The following FGD5 variants were observed in gnomAD, a reference collection of about 807,000 sequenced individuals.
The protein encoded by FGD5 is FYVE, RhoGEF and PH domain-containing protein 5.
In FGD5, 28 loss-of-function variants were observed where a neutral mutation model predicts 133.4. The observed-to-expected ratio is 0.21, with a 90% CI of 0.16 to 0.29. FGD5 has a LOEUF of 0.29. Ranked by LOEUF, FGD5 falls within the 10% of genes least tolerant of loss-of-function variation. The probability of loss-of-function intolerance (pLI) is 1.00; values close to 1 mark genes in which losing one functional copy is unlikely to be tolerated. For missense variants in FGD5, 1,858 were observed against 1,895.2 expected, an observed-to-expected ratio of 0.98 and a Z score of 0.36; for synonymous variants, 810 against 776.5, an observed-to-expected ratio of 1.04 and a Z score of -0.72.
chr3:14,927,928 C>A (rs2038836983), intron 18 of FGD5, among the ~76,000 whole-genome samples: 1 of 145,880 alleles, frequency 6.9e-6, no homozygotes, highest in African/African-American at 2.6e-5. Context: ...CCAGGCCTAG[C>A]TAATTTTTTT....
intron 4 of FGD5, among the ~76,000 whole-genome samples, chr3:14,883,826 G>A (rs544964999): frequency 2.0e-5 from 3 of 152,320 alleles, no homozygotes; most frequent in South Asian, 4.2e-4. Context: ...ATCTGCAGGG[G>A]CATGAGGGAG....
intron 2 of FGD5, among the ~76,000 whole-genome samples, chr3:14,872,705 T>A (rs1656437): frequency 0.19 from 28,169 of 152,194 alleles, 3,148 homozygotes; most frequent in East Asian, 0.4. Flanking sequence ...AAGATGAAGC[T>A]GGGGCGGCAT....
At chr3:14,927,715 T>C (rs1015130505) in intron 18 of FGD5, among the ~76,000 whole-genome samples, 5 of 152,122 alleles carry the variant, frequency 3.3e-5, no homozygotes, top group African/African-American at 1.2e-4. Flanking sequence ...GTAACAGTCC[T>C]GGGAAAAAGC....
chr3:14,893,431 A>G (rs1214224463), intron 4 of FGD5, among the ~76,000 whole-genome samples: 3 of 152,156 alleles, frequency 2.0e-5, no homozygotes, highest in African/African-American at 7.2e-5. Flanking sequence ...AGCTCACTGC[A>G]GCCTGGAACT....
chr3:14,861,630 G>C (rs1446984788), intron 1 of FGD5, among the ~76,000 whole-genome samples: 1 of 152,128 alleles, frequency 6.6e-6, no homozygotes, highest in Non-Finnish European at 1.5e-5. Flanking sequence ...TGGCTTCCGT[G>C]AGCCCTCTCC....
intron 1 of FGD5, 98 bp from the exon 2 acceptor site, chr3:14,864,030 G>T: frequency 6.5e-7 from 1 of 1,526,950 alleles, no homozygotes; most frequent in Non-Finnish European, 8.9e-7. Context: ...CTTACTACTT[G>T]TTTTCTGTCC....
chr3:14,897,293 G>T (rs2038155869), intron 4 of FGD5: 2 of 563,536 alleles, frequency 3.5e-6, no homozygotes, highest in South Asian at 2.4e-5. Flanking sequence ...TGGGTTGGGT[G>T]CTCTTTGGGT....
At chr3:14,845,402 ATGCTTCAGTTCTCAATAAGCCAG>A (rs2037032150) in intron 1 of FGD5, among the ~76,000 whole-genome samples, 1 of 152,214 alleles carries the variant, frequency 6.6e-6, no homozygotes, top group Non-Finnish European at 1.5e-5. Context: ...CCCTTCCCAG[ATGCTTCAGTTCTCAATAAGCCAG>A]TGCTTGAATA....
chr3:14,905,103 A>G (rs888702548), intron 9 of FGD5, among the ~76,000 whole-genome samples: 2 of 152,106 alleles, frequency 1.3e-5, no homozygotes, highest in African/African-American at 4.8e-5. Flanking sequence ...CGTTCCTACC[A>G]CCCATTAATT....
intron 2 of FGD5, among the ~76,000 whole-genome samples, chr3:14,868,173 G>A (rs996461667): frequency 5.3e-5 from 8 of 152,268 alleles, no homozygotes; most frequent in African/African-American, 7.2e-5. Flanking sequence ...ACTCGCTGAC[G>A]TGTCGGCCCT....
At chr3:14,919,036 G>A (rs2038620005) in intron 13 of FGD5, among the ~76,000 whole-genome samples, 2 of 152,090 alleles carry the variant, frequency 1.3e-5, no homozygotes, top group Admixed American at 1.3e-4. Context: ...CCCAAAAAAT[G>A]TACACACTCA....
At chr3:14,924,213 C>G (rs2038745670) in intron 17 of FGD5, 75 bp downstream of exon 17, 1 of 1,604,394 alleles carries the variant, frequency 6.2e-7, no homozygotes. Context: ...TAGACGGAGT[C>G]AGACCCTGCC....
intron 2 of FGD5, among the ~76,000 whole-genome samples, chr3:14,871,422 G>T (rs1406053728): frequency 6.6e-6 from 1 of 152,206 alleles, no homozygotes; most frequent in African/African-American, 2.4e-5. Flanking sequence ...GAAAACACTT[G>T]TTTGGCTCTG....
Position 14,900,972 on chromosome 3 carries a change from G to A in FGD5, c.3206-31G>A, listed in dbSNP as rs191522731. ...GGAAAATTGATGCCCCTCTTGCAAT[G>A]GCCCAACTCCTGCTCTGTGTCCCTC... is the stretch of plus-strand genomic sequence containing the variant. On this transcript the variant is annotated intron_variant, in intron 8 of 19. Coordinates refer to ENST00000285046, the MANE Select transcript of FGD5 (RefSeq NM_152536.4). 5.0e-5 allele frequency: 80 copies of A among 1,613,764 alleles called. No homozygotes were observed. The African/African-American group carries it at 1.0e-3, about 20-fold the overall frequency.
chr3:14,911,507 A>ATTTCTGCTTTCATTCCTTGTTCCTGTC (rs2038448034), intron 11 of FGD5, among the ~76,000 whole-genome samples: 1 of 151,842 alleles, frequency 6.6e-6, no homozygotes, highest in African/African-American at 2.4e-5. Context: ...TTGCTCCTGC[A>ATTTCTGCTTTCATTCCTTGTTCCTGTC]TTTCTGCTTT....
chr3:14,906,201 C>T (rs1471517862), intron 9 of FGD5, among the ~76,000 whole-genome samples: 2 of 152,214 alleles, frequency 1.3e-5, no homozygotes, highest in East Asian at 3.9e-4. Context: ...GGCTACTGCC[C>T]TGTGTTACTC....
intron 4 of FGD5, among the ~76,000 whole-genome samples, chr3:14,891,870 GC>G (rs35942334): frequency 0.04 from 6,034 of 151,870 alleles, 169 homozygotes; most frequent in African/African-American, 0.079. Flanking sequence ...CTCCCTTCAT[GC>G]CCCCTTCCTC....
chr3:14,872,555 G>A (rs559387439), intron 2 of FGD5, among the ~76,000 whole-genome samples: 1 of 152,336 alleles, frequency 6.6e-6, no homozygotes, highest in East Asian at 1.9e-4. Flanking sequence ...TACATATTCA[G>A]CAAATTATAG....
chr3:14,836,773 T>C (rs2036825488), intron 1 of FGD5, among the ~76,000 whole-genome samples: 1 of 152,012 alleles, frequency 6.6e-6, no homozygotes, highest in Non-Finnish European at 1.5e-5. Context: ...TGATGAGATG[T>C]GATTAAAATA....
Sources: allele counts gnomAD v4.1 joint callset (sites outside exome capture counted in the v4.1 genomes callset), GRCh38; gene constraint gnomAD v4.1.1; transcripts MANE v1.5; gene names NCBI Gene and HGNC (gene_info 2026-07-23, HGNC 2026-07-21).